The following POTEF variants were observed in gnomAD, a reference collection of about 807,000 sequenced individuals.
The protein encoded by POTEF is POTE ankyrin domain family member F, also known as ANKRD26-like family C member 1B.
In POTEF, 20 loss-of-function variants were observed where a neutral mutation model predicts 83.2. The observed-to-expected ratio is 0.24, with a 90% CI of 0.17 to 0.35. The LOEUF is 0.35. Among genes scored for constraint, POTEF ranks in the 10% least tolerant of loss-of-function variants. The pLI is 1.00. For synonymous variants in POTEF, 196 were observed against 446.4 expected (o/e 0.44, Z 7.07); for missense variants, 550 against 1,203.2 (o/e 0.46, Z 8.03).
chr2:130,108,434 CA>C (rs1684608697), intron 7 of POTEF, among the ~76,000 whole-genome samples: 1 of 152,046 alleles, frequency 6.6e-6, no homozygotes, highest in Admixed American at 6.5e-5. Context: ...TCTTCTTCAA[CA>C]AAGTGAGGAC....
At chr2:130,117,663 G>A (rs1164148474) in intron 3 of POTEF, among the ~76,000 whole-genome samples, 1 of 151,734 alleles carries the variant, frequency 6.6e-6, no homozygotes, top group African/African-American at 2.4e-5. Context: ...CCATCCTATG[G>A]ATGCACTGAA....
intron 2 of POTEF, among the ~76,000 whole-genome samples, chr2:130,126,844 A>G (rs1377284309): frequency 6.6e-6 from 1 of 152,030 alleles, no homozygotes; most frequent in Non-Finnish European, 1.5e-5. Context: ...GAGAAACAAG[A>G]ATAGAAACAT....
chr2:130,114,702 C>T (rs1273053248), intron 5 of POTEF, among the ~76,000 whole-genome samples, 179 bp downstream of exon 5: 2 of 151,938 alleles, frequency 1.3e-5, no homozygotes, highest in Non-Finnish European at 1.5e-5. Context: ...ACTGTACCCT[C>T]TAATGCTTCT....
intron 2 of POTEF, among the ~76,000 whole-genome samples, chr2:130,126,303 C>CAAAAAA (rs754556482): frequency 2.4e-5 from 3 of 122,658 alleles, no homozygotes; most frequent in East Asian, 2.3e-4. Context: ...AACTCCATCT[C>CAAAAAA]AAAAAAAAAA....
At chr2:130,120,633 C>G (rs1684976349) in intron 2 of POTEF, 25 bp from the exon 3 acceptor site, 3 of 1,566,480 alleles carry the variant, frequency 1.9e-6, no homozygotes, top group Non-Finnish European at 2.6e-6. Flanking sequence ...AAGTCAATCC[C>G]AGCCAAAACC....
At chr2:130,075,604 C>G (rs1683777435) in intron 16 of POTEF, 32 bp from the exon 17 acceptor site, 2 of 1,586,608 alleles carry the variant, frequency 1.3e-6, no homozygotes, top group South Asian at 2.3e-5. Context: ...TTAGTTAGCA[C>G]TCAATAGATT....
Position 130,120,526 on chromosome 2 carries a change from C to A in POTEF, c.-11G>T, listed in dbSNP as rs1290556355. The A allele has an allele frequency of 1.9e-6, 3 of 1,612,300 alleles. No homozygotes were observed. The highest frequency in any genetic ancestry group is 1.9e-4 in the Middle Eastern group (1 of 5,252). The stretch of plus-strand genomic sequence containing the variant: ...AACCTCAACCACCATCTGCTTTTAA[C>A]AGCCAGGAGAAGCCAGTAGTAGCCA... On this transcript the variant is annotated 5_prime_UTR_variant, in exon 3 of 17. Coordinates refer to ENST00000409914, the MANE Select transcript of POTEF (RefSeq NM_001099771.2).
chr2:130,098,447 A>G (rs1284428624), intron 11 of POTEF, among the ~76,000 whole-genome samples: 2 of 152,074 alleles, frequency 1.3e-5, no homozygotes, highest in Non-Finnish European at 2.9e-5. Context: ...ATGACTAGCA[A>G]TCTTGTTGCT....
chr2:130,103,905 G>A (rs1302233268), intron 8 of POTEF, among the ~76,000 whole-genome samples: 4 of 141,876 alleles, frequency 2.8e-5, no homozygotes, highest in Non-Finnish European at 6.0e-5. Flanking sequence ...GCCAGAGAAA[G>A]GGCACACAGG....
chr2:130,075,551 C>A lies in POTEF; in HGVS notation c.1921G>T (p.Glu641Ter). The A allele has an allele frequency of 6.2e-7, 1 of 1,610,568 alleles. No homozygotes were observed. Among genetic ancestry groups the A allele is most frequent in the East Asian group, 2.2e-5 (1 of 44,844 alleles). Residue 641 changes from glutamate (E) to a stop codon, truncating the protein, a stop_gained, in exon 17 of 17, where the codon GAA (glutamate) becomes TAA (stop). Coordinates refer to ENST00000409914, the MANE Select transcript of POTEF (RefSeq NM_001099771.2). LOFTEE classifies it high-confidence loss of function. ...NSELSLSCKKEKDILHENSTL... is the reference protein window; with the variant it reads ...NSELSLSCKK ...CTATTTTCATGCAAGATGTCTTTTT[C>A]TTTCTTACAACTAAGAGAAAGCTAA...
chr2:130,094,953 A>G (rs1182258948), intron 11 of POTEF, among the ~76,000 whole-genome samples: 2 of 151,064 alleles, frequency 1.3e-5, no homozygotes, highest in African/African-American at 2.4e-5. Flanking sequence ...GTAGCTTATT[A>G]CAAAGAGCCA....
At chr2:130,117,411 C>CT (rs1456990577) in intron 3 of POTEF, among the ~76,000 whole-genome samples, 1 of 151,736 alleles carries the variant, frequency 6.6e-6, no homozygotes, top group Admixed American at 6.6e-5. Context: ...TACTAATGAA[C>CT]TTTAACTAAA....
At chr2:130,103,602 A>C (rs1239900897) in intron 8 of POTEF, among the ~76,000 whole-genome samples, 1 of 148,566 alleles carries the variant, frequency 6.7e-6, no homozygotes, top group Non-Finnish European at 1.5e-5. Context: ...AGTCTTGAGC[A>C]TCATCTTACT....
intron 2 of POTEF, among the ~76,000 whole-genome samples, chr2:130,121,201 C>G (rs1164421661): frequency 6.6e-6 from 1 of 150,400 alleles, no homozygotes; most frequent in African/African-American, 2.5e-5. Flanking sequence ...ATGCATGCAA[C>G]GCGCCTGCTT....
At chr2:130,109,038 G>A (rs941203977) in intron 7 of POTEF, among the ~76,000 whole-genome samples, 12 of 151,010 alleles carry the variant, frequency 7.9e-5, no homozygotes, top group South Asian at 4.2e-4. Context: ...ATTTTGCACG[G>A]AACATGTTAT....
Position 130,120,826 on chromosome 2 carries a change from A to G in POTEF, c.-93-218T>C, listed in dbSNP as rs1684984281. 3 of 486,330 alleles carry G rather than the reference A, an allele frequency of 6.2e-6. No individual in the cohort carries two copies. The East Asian group carries it at 1.1e-4, about 18-fold the overall frequency. 30.1% of individuals were successfully genotyped at this position (486,330 alleles called of 1,614,324 possible). On this transcript the variant is annotated intron_variant, in intron 2 of 16. Coordinates refer to ENST00000409914, the MANE Select transcript of POTEF (RefSeq NM_001099771.2). ...TGCCAAACCCAGCAGAGAAAAGGTC[A>G]AGCCCAGCAAAGGAACACGAGAGAG...
At position 130,075,111 on chromosome 2, in the gene POTEF, G is replaced by T. The variant is rs746928594; in HGVS notation, c.2361C>A (p.His787Gln). ...CACGCAGCTCGTTGTAGAAGGTGTG[G>T]TGCCAGATCTTCTCCATGTCATCCC... ...TNWDDMEKIW[H>Q]HTFYNELRVA... is the part of the protein sequence containing the mutation. The change falls in exon 17 of 17, where the codon CAC becomes CAA. Residue 787 changes from histidine to glutamine, a missense_variant. Coordinates refer to ENST00000409914, the MANE Select transcript of POTEF (RefSeq NM_001099771.2). 2 of 1,613,726 alleles carry T rather than the reference G, an allele frequency of 1.2e-6. No homozygotes were observed. The highest frequency in any genetic ancestry group is 1.1e-5 in the South Asian group (1 of 91,076).
intron 8 of POTEF, 138 bp downstream of exon 8, chr2:130,107,871 T>C: frequency 1.4e-6 from 1 of 725,892 alleles, no homozygotes; most frequent in Non-Finnish European, 2.3e-6. Context: ...GCACAATAAA[T>C]GTAACATGAT....
At chr2:130,104,717 A>G (rs1839842) in intron 8 of POTEF, among the ~76,000 whole-genome samples, 93,696 of 148,632 alleles carry the variant, frequency 0.63, 29,340 homozygotes, top group Admixed American at 0.72. Flanking sequence ...CATTCCCTAA[A>G]AGGAACAACT....
Sources: gnomAD v4.1 joint callset for allele counts (sites outside exome capture counted in the v4.1 genomes callset) on GRCh38, gnomAD v4.1.1 for gene constraint, MANE v1.5 for transcripts, NCBI Gene and HGNC (gene_info 2026-07-23, HGNC 2026-07-21) for gene names.